Variants in ZNF778 observed in about 807,000 individuals in gnomAD.
ZNF778 encodes the protein zinc finger protein 778.
Under a neutral mutation model 23.9 loss-of-function variants are expected in ZNF778, and 37 were observed. The observed-to-expected ratio is 1.54, with a 90% CI of 1.19 to 2.03. ZNF778 has a LOEUF of 2.03. ZNF778 is among the 30% of genes most tolerant of loss of function. The pLI, the probability that ZNF778 is intolerant of heterozygous loss-of-function variation, is 0.00. For synonymous variants in ZNF778, 483 were observed against 343.9 expected (o/e 1.40, Z -4.48); for missense variants, 1,297 against 934.4 (o/e 1.39, Z -5.06).
chr16:89,226,968 A>G lies in ZNF778; in HGVS notation c.680A>G (p.Tyr227Cys), dbSNP rs2151635249. The G allele has an allele frequency of 6.2e-7, 1 of 1,614,028 alleles. No individual in the cohort carries two copies. The highest frequency in any genetic ancestry group is 1.1e-5 in the South Asian group (1 of 91,090). ...TGCACTCGGGACAGATCTCTTGACT[A>G]CAGCAGCTGTGGGGAAGTGTTCCTT... ...QACTRDRSLD[Y>C]SSCGEVFLNQ... is the part of the protein sequence containing the mutation. Residue 227 changes from tyrosine to cysteine, a missense_variant, in exon 7 of 7, where the codon TAC (tyrosine) becomes TGC (cysteine). Tyr to Cys is a radical substitution (Grantham distance 194, BLOSUM62 -2). Coordinates refer to ENST00000433976, the MANE Select transcript of ZNF778 (RefSeq NM_001201407.2).
intron 1 of ZNF778, among the ~76,000 whole-genome samples, chr16:89,220,581 C>G (rs995942613): frequency 2.6e-5 from 4 of 152,168 alleles, no homozygotes; most frequent in African/African-American, 9.7e-5. Context: ...TTGCTTGAAC[C>G]TGGGAGGCAG....
intron 3 of ZNF778, 100 bp from the exon 4 acceptor site, chr16:89,223,057 G>A: frequency 7.1e-7 from 1 of 1,398,714 alleles, no homozygotes; most frequent in Non-Finnish European, 9.6e-7. Context: ...GACAGTAGGA[G>A]GCCTCACAGT....
chr16:89,223,977 A>C (rs1449957098), intron 4 of ZNF778, among the ~76,000 whole-genome samples: 1 of 151,292 alleles, frequency 6.6e-6, no homozygotes, highest in African/African-American at 2.4e-5. Context: ...TAATCCCAGC[A>C]CTCTGGGAGG....
intron 1 of ZNF778, among the ~76,000 whole-genome samples, chr16:89,220,437 C>T (rs2030814087): frequency 6.6e-6 from 1 of 152,138 alleles, no homozygotes; most frequent in Admixed American, 6.5e-5. Context: ...GTGGGCGGAT[C>T]ACGAGGTCAG....
chr16:89,232,636 A>T lies in ZNF778; in HGVS notation c.*4074A>T. 1.8e-6 allele frequency: 2 copies of T among 1,087,738 alleles called. No homozygotes were observed. The highest frequency in any genetic ancestry group is 2.2e-6 in the Non-Finnish European group (2 of 901,268). The allele number at this position is 1,087,738 out of a possible 1,614,324, so 67.4% of individuals were successfully genotyped here. ...AAAATATTAAAGGACCAATTGTATT[A>T]ATTATGTTTTTTTTTTTTTTGTTAG... On this transcript the variant is annotated 3_prime_UTR_variant, in exon 7 of 7. Coordinates refer to ENST00000433976, the MANE Select transcript of ZNF778 (RefSeq NM_001201407.2).
chr16:89,221,528 T>C (rs2030942163), intron 2 of ZNF778, among the ~76,000 whole-genome samples: 1 of 152,048 alleles, frequency 6.6e-6, no homozygotes, highest in African/African-American at 2.4e-5. Flanking sequence ...TCTGTGTGTG[T>C]TTTCCTGAGG....
chr16:89,228,219 C>T lies in ZNF778; in HGVS notation c.1931C>T (p.Pro644Leu). 6 of 1,613,484 alleles carry T rather than the reference C, an allele frequency of 3.7e-6. No homozygotes were observed. Among genetic ancestry groups the T allele is most frequent in the Non-Finnish European group, 5.1e-6 (6 of 1,179,584 alleles). The change falls in exon 7 of 7, where the codon CCC becomes CTC. Residue 644 changes from proline (P) to leucine (L), a missense_variant. By Grantham distance (98) the Pro-to-Leu change is moderately conservative. Transcript: ENST00000433976. ...ATAAGAACCCACACCGGTGAGAAAC[C>T]CTACATATGTAAGGAGTGTGGGAAA... ...VHIRTHTGEKPYICKECGKAF... is the reference protein window; with the variant it reads ...VHIRTHTGEKLYICKECGKAF...
chr16:89,223,864 A>T (rs1274376596), intron 4 of ZNF778, among the ~76,000 whole-genome samples: 1 of 76,438 alleles, frequency 1.3e-5, no homozygotes, highest in Non-Finnish European at 3.5e-5. Flanking sequence ...ACAGAGCGAG[A>T]CTCCATCTCA....
Position 89,232,798 on chromosome 16 carries a change from C to G in ZNF778, c.*4236C>G, listed in dbSNP as rs1039717027. ...TCAACTCACTGCATATGCACATCAA[C>G]TCACTGCATATGCAACTCAACTCAC... On this transcript the variant is annotated 3_prime_UTR_variant, in exon 7 of 7. Transcript: ENST00000433976. 2 of 1,283,898 alleles carry G rather than the reference C, an allele frequency of 1.6e-6. No individual in the cohort carries two copies. Among genetic ancestry groups the G allele is most frequent in the Non-Finnish European group, 2.0e-6 (2 of 988,636 alleles). 79.5% of individuals were successfully genotyped at this position (1,283,898 alleles called of 1,614,324 possible). A position where few individuals can be genotyped will look rare whatever the true frequency, so the allele number is the denominator to read the frequency against.
Position 89,226,917 on chromosome 16 carries a change from C to T in ZNF778, c.629C>T (p.Thr210Ile), listed in dbSNP as rs530134245. ...LGQCGKAFSS[T>I]PNVVSQQACT... ...CAGTGTGGAAAAGCCTTCAGCTCTA[C>T]TCCAAATGTTGTTTCCCAGCAAGCA... The change falls in exon 7 of 7, where the codon ACT (threonine) becomes ATT (isoleucine). Residue 210 changes from threonine to isoleucine, a missense_variant. Physicochemically the swap from Thr to Ile is moderately conservative, Grantham distance 89. Transcript: ENST00000433976. The T allele has an allele frequency of 1.5e-4, 235 of 1,614,004 alleles. 2 individuals carry two copies. The South Asian group carries it at 2.2e-3, about 15-fold the overall frequency.
Position 89,217,874 on chromosome 16 carries a change from C to G in ZNF778, c.-168C>G, listed in dbSNP as rs1259798163. ...CAGAAGGGAAAGTCGCCGCCGCTCG[C>G]GGTAGACCCGGGCAGCGCTTCCATT... On this transcript the variant is annotated 5_prime_UTR_variant, in exon 1 of 7. Coordinates refer to ENST00000433976, the MANE Select transcript of ZNF778 (RefSeq NM_001201407.2). 6.6e-6 allele frequency: 1 copy of G among 152,318 alleles called. No individual in the cohort carries two copies. Among genetic ancestry groups the G allele is most frequent in the Non-Finnish European group, 1.5e-5 (1 of 68,092 alleles). The allele number at this position is 152,318 out of a possible 1,614,324, so 9.4% of individuals were successfully genotyped here. A position where few individuals can be genotyped will look rare whatever the true frequency, so the allele number is the denominator to read the frequency against.
At chr16:89,218,677 G>C (rs9928631) in intron 1 of ZNF778, among the ~76,000 whole-genome samples, 14,616 of 152,198 alleles carry the variant, frequency 0.096, 918 homozygotes, top group African/African-American at 0.18. Context: ...TGTAGTCCCA[G>C]CTACTCTGGA....
intron 1 of ZNF778, among the ~76,000 whole-genome samples, chr16:89,220,360 A>C (rs532253454): frequency 6.6e-6 from 1 of 152,308 alleles, no homozygotes; most frequent in East Asian, 1.9e-4. Context: ...TCAGGAGTAC[A>C]AACTGACGAG....
rs558056806 is a variant in ZNF778 at position 89,222,977 on chromosome 16, G to C, written c.118-180G>C. 1.4e-3 allele frequency among the ~76,000 whole-genome samples: 207 copies of C among 152,200 alleles called. 1 individual carries two copies. The highest frequency in any genetic ancestry group is 3.5e-3 in the Admixed American group (54 of 15,278). ...TGGAGGAGAGCGACAGGGTGCGCGT[G>C]ACTGGAGGAGAGCGACAGGGCGTGT... On this transcript the variant is annotated intron_variant, in intron 3 of 6. Transcript: ENST00000433976.
At position 89,228,417 on chromosome 16, in the gene ZNF778, A is replaced by T; in HGVS notation, c.2129A>T (p.Tyr710Phe). Residue 710 changes from tyrosine (Y) to phenylalanine (F), a missense_variant, in exon 7 of 7, where the codon TAC becomes TTC. Transcript: ENST00000433976. The part of the protein sequence containing the change: ...PYKCKECGKA[Y>F]NRFYLLKEHL... ...AAATGTAAGGAATGTGGGAAAGCAT[A>T]CAATAGGTTTTATCTACTAAAAGAA... 1 of 1,614,048 alleles carries T rather than the reference A, an allele frequency of 6.2e-7. No homozygotes were observed. Among genetic ancestry groups the T allele is most frequent in the Non-Finnish European group, 8.5e-7 (1 of 1,179,904 alleles).
At chr16:89,221,942 T>G (rs1356879229) in intron 2 of ZNF778, 150 bp from the exon 3 acceptor site, 16 of 535,182 alleles carry the variant, frequency 3.0e-5, no homozygotes, top group African/African-American at 2.7e-4. Flanking sequence ...GGGAATTCCC[T>G]GACACTGTAT....
At chr16:89,222,904 AGCGACAGGGTGCGCGTGACTGGAGGAGC>A (rs1471484425) in intron 3 of ZNF778, among the ~76,000 whole-genome samples, 7 of 48,888 alleles carry the variant, frequency 1.4e-4, no homozygotes, top group Non-Finnish European at 5.6e-4. Flanking sequence ...ACTGGAGGAG[AGCGACAGGGTGCGCGTGACTGGAGGAGC>A]GCGACAGGGC....
rs991487735 is a variant in ZNF778 at position 89,232,930 on chromosome 16, T to A, written c.*4368T>A. The A allele has an allele frequency of 6.7e-5, 85 of 1,268,412 alleles. No individual in the cohort carries two copies. In the Admixed American group the frequency reaches 2.0e-3, roughly 30 times the overall value. 78.6% of individuals were successfully genotyped at this position (1,268,412 alleles called of 1,614,324 possible). A position where few individuals can be genotyped will look rare whatever the true frequency, so the allele number is the denominator to read the frequency against. ...ACTCAACTCGCACTGCGTATGCGAA[T>A]CCACTCACTGCCTATGCAACTCAGC... On this transcript the variant is annotated 3_prime_UTR_variant, in exon 7 of 7. Transcript: ENST00000433976.
intron 2 of ZNF778, among the ~76,000 whole-genome samples, chr16:89,221,841 TGAG>T (rs1419296245): frequency 4.6e-5 from 7 of 151,264 alleles, no homozygotes; most frequent in African/African-American, 9.7e-5. Flanking sequence ...TGTGTTTTCT[TGAG>T]GAAGTGTATG....
Sources: gnomAD v4.1 joint callset for allele counts (sites outside exome capture counted in the v4.1 genomes callset) on GRCh38, gnomAD v4.1.1 for gene constraint, MANE v1.5 for transcripts, NCBI Gene and HGNC (gene_info 2026-07-23, HGNC 2026-07-21) for gene names.